F8: variants seen among roughly 807,000 people sequenced by gnomAD.
F8 encodes the protein antihemophilic factor.
Under a neutral mutation model 140.6 loss-of-function variants are expected in F8, and 12 were observed. The ratio of observed to expected loss-of-function variants is 0.09; its 90% CI spans 0.05 to 0.14. The LOEUF is 0.14. F8 is among the 10% of genes least tolerant of loss of function. The pLI is 1.00. For missense variants in F8, 1,354 were observed against 1,720.7 expected (o/e 0.79, Z 3.77); for synonymous variants, 585 against 614.6 (o/e 0.95, Z 0.71).
intron 12 of F8, among the ~76,000 whole-genome samples, chrX:154,953,063 T>C (rs1417927194): frequency 7.1e-5 from 8 of 112,280 alleles, no homozygotes; most frequent in African/African-American, 2.3e-4. Flanking sequence ...CCTATTGTTA[T>C]TCTATTTCGC....
intron 23 of F8, 31 bp downstream of exon 23, chrX:154,863,052 G>A: frequency 8.3e-7 from 1 of 1,203,743 alleles, no homozygotes; most frequent in Non-Finnish European, 1.1e-6. Flanking sequence ...ATGGTTGAGG[G>A]AAGAAGGATA....
At chrX:154,979,487 G>T (rs2073505672) in intron 6 of F8, among the ~76,000 whole-genome samples, 1 of 111,203 alleles carries the variant, frequency 9.0e-6, no homozygotes, top group Non-Finnish European at 1.9e-5. Context: ...GGGGTGGGGT[G>T]ATACCGAGGT....
At position 154,928,697 on chromosome X, in the gene F8, A is replaced by G. The variant is rs2073173387; in HGVS notation, c.5093T>C (p.Ile1698Thr). Residue 1698 changes from isoleucine (I) to threonine (T), a missense_variant, in exon 14 of 26, where the codon ATT (isoleucine) becomes ACT (threonine). Physicochemically the swap from Ile to Thr is moderately conservative, Grantham distance 89. Coordinates refer to ENST00000360256, the MANE Select transcript of F8 (RefSeq NM_000132.4). ...SVEMKKEDFDIYDEDENQSPR... is the reference protein window; with the variant it reads ...SVEMKKEDFDTYDEDENQSPR... Reference sequence around the variant, plus strand: ...GCTCTGATTTTCATCCTCATCATAAATGTCAAAATCTTCCTTCTTCATTTC... The same window carrying G: ...GCTCTGATTTTCATCCTCATCATAAGTGTCAAAATCTTCCTTCTTCATTTC... 1.7e-6 allele frequency: 2 copies of G among 1,209,667 alleles called. No homozygotes were observed. Among genetic ancestry groups the G allele is most frequent in the Non-Finnish European group, 2.2e-6 (2 of 894,716 alleles).
intron 22 of F8, 68 bp downstream of exon 22, chrX:154,896,009 C>T (rs893696870): frequency 1.9e-6 from 2 of 1,040,845 alleles, no homozygotes; most frequent in Non-Finnish European, 2.7e-6. Flanking sequence ...AGTGTTTGTC[C>T]AATATCTGAA....
chrX:154,867,603 G>A (rs373181142), intron 22 of F8, among the ~76,000 whole-genome samples: 1 of 103,417 alleles, frequency 9.7e-6, no homozygotes, highest in Admixed American at 1.1e-4. Context: ...CAGGAGAATC[G>A]CTTGAATCCA....
intron 12 of F8, among the ~76,000 whole-genome samples, chrX:154,951,887 G>A (rs2073339499): frequency 9.0e-6 from 1 of 110,832 alleles, no homozygotes; most frequent in East Asian, 2.8e-4. Flanking sequence ...AAATCCCAGA[G>A]GAAAAAAAAT....
chrX:154,965,831 G>T, intron 9 of F8, 139 bp downstream of exon 9: 2 of 578,629 alleles, frequency 3.5e-6, no homozygotes, highest in African/African-American at 2.3e-5. Context: ...CATACAATCA[G>T]CTATTATTTG....
chrX:154,940,676 T>A (rs1208497708), intron 13 of F8, among the ~76,000 whole-genome samples: 1 of 111,409 alleles, frequency 9.0e-6, no homozygotes, highest in Non-Finnish European at 1.9e-5. Context: ...GCCACAAAGA[T>A]ACTCCTTGAG....
At chrX:154,911,316 T>G (rs1557276744) in intron 14 of F8, among the ~76,000 whole-genome samples, 1 of 107,655 alleles carries the variant, frequency 9.3e-6, no homozygotes, top group African/African-American at 3.4e-5. Flanking sequence ...GGCCACCCCT[T>G]CATTTTACAC....
At chrX:154,971,474 G>A (rs1465812897) in intron 6 of F8, among the ~76,000 whole-genome samples, 1 of 111,526 alleles carries the variant, frequency 9.0e-6, no homozygotes, top group Non-Finnish European at 1.9e-5. Context: ...TATACATTGT[G>A]TAATTATTCA....
intron 4 of F8, among the ~76,000 whole-genome samples, chrX:154,991,300 A>G (rs2073587045): frequency 8.9e-6 from 1 of 112,249 alleles, no homozygotes. Flanking sequence ...CATAGTACTC[A>G]CTTCGAAGTC....
In F8 at chrX:154,943,461, C is replaced by G. The variant is rs368059581; in HGVS notation, c.2113+4237G>C. Among the ~76,000 whole-genome samples, 1,107 of 111,313 alleles carry G rather than the reference C, an allele frequency of 9.9e-3. 15 individuals carry two copies. Among genetic ancestry groups the G allele is most frequent in the African/African-American group, 0.034 (1,037 of 30,530 alleles). ...AAATACCTAGGAATACAACTTACAA[C>G]GGATGTGAAGGACCTCTTCAAGGAG... On this transcript the variant is annotated intron_variant, in intron 13 of 25. Transcript: ENST00000360256.
intron 6 of F8, among the ~76,000 whole-genome samples, chrX:154,981,976 G>T (rs1248989782): frequency 9.0e-6 from 1 of 111,397 alleles, no homozygotes; most frequent in South Asian, 3.8e-4. Context: ...ACGAGGTCAG[G>T]AGTTCAAGAC....
At position 154,951,956 on chromosome X, in the gene F8, GT is replaced by G. The variant is rs782531882; in HGVS notation, c.1903+1935del. Among the ~76,000 whole-genome samples, 12 of 111,868 alleles carry G rather than the reference GT, an allele frequency of 1.1e-4. 1 individual carries two copies. The South Asian group carries it at 3.3e-3, about 31-fold the overall frequency. On this transcript the variant is annotated intron_variant, in intron 12 of 25. Transcript: ENST00000360256. ...CTGCTTATGTCACTATATCTCTCTA[GT>G]TTTCATCACCGTCTCCAAGAAAATG... is the stretch of plus-strand genomic sequence containing the variant.
rs1201815978 is a variant in F8, at chrX:154,929,407, G to T, written c.4383C>A (p.Asn1461Lys). 2 of 1,209,832 alleles carry T rather than the reference G, an allele frequency of 1.7e-6. No homozygotes were observed. Among genetic ancestry groups the T allele is most frequent in the African/African-American group, 1.7e-5 (1 of 57,150 alleles). ...SHFLQGAKKN[N>K]LSLAILTLEM... ...CCAAGGTTAGAATGGCTAAAGAAAG[G>T]TTATTTTTTTTGGCTCCTTGTAAGA... is the stretch of plus-strand genomic sequence containing the variant. The change falls in exon 14 of 26, where the codon AAC (asparagine) becomes AAA (lysine). Residue 1461 changes from asparagine (N) to lysine (K), a missense_variant. Physicochemically the swap from Asn to Lys is moderately conservative, Grantham distance 94 (BLOSUM62 0). Around this residue, in one of 4 missense-constraint regions of F8, gnomAD observed 658 missense variants for 666.5 expected, o/e 0.99. Coordinates refer to ENST00000360256, the MANE Select transcript of F8 (RefSeq NM_000132.4).
At chrX:154,946,932 A>G (rs782759764) in intron 13 of F8, among the ~76,000 whole-genome samples, 1 of 112,056 alleles carries the variant, frequency 8.9e-6, no homozygotes, top group East Asian at 2.8e-4. Flanking sequence ...ATTTCTCAAA[A>G]GAAGACATTC....
At chrX:154,848,763 G>A (rs909198326) in intron 25 of F8, among the ~76,000 whole-genome samples, 1 of 110,960 alleles carries the variant, frequency 9.0e-6, no homozygotes, top group Non-Finnish European at 1.9e-5. Flanking sequence ...ACCCTGCTTC[G>A]GCTCATGCTC....
chrX:154,936,614 T>C (rs2073226314), intron 13 of F8, among the ~76,000 whole-genome samples: 1 of 111,685 alleles, frequency 9.0e-6, no homozygotes, highest in Non-Finnish European at 1.9e-5. Context: ...AATACAAAAA[T>C]CAAAATAACA....
intron 6 of F8, among the ~76,000 whole-genome samples, chrX:154,975,118 A>G (rs1282915821): frequency 1.2e-4 from 13 of 110,764 alleles, no homozygotes; most frequent in African/African-American, 3.9e-4. Context: ...ATTTCTTCTA[A>G]TAATTTGGGG....
Sources: gnomAD v4.1 joint callset for allele counts (sites outside exome capture counted in the v4.1 genomes callset) on GRCh38, gnomAD v4.1.1 for gene constraint, gnomAD v4.1.1 regional missense constraint, MANE v1.5 for transcripts, NCBI Gene and HGNC (gene_info 2026-07-23, HGNC 2026-07-21) for gene names.